MYL4: variants seen among roughly 807,000 people sequenced by gnomAD.
MYL4 encodes atrial myosin light chain 1.
MYL4 carries 16 observed loss-of-function variants against 21.6 expected under a neutral mutation model. The ratio of observed to expected loss-of-function variants is 0.74; its 90% CI spans 0.50 to 1.12. The LOEUF is 1.12. MYL4 is among the 50% of genes most tolerant of loss of function. MYL4 has a pLI of 0.00. For synonymous variants in MYL4, 82 were observed against 95.7 expected, an observed-to-expected ratio of 0.86 and a Z score of 0.83; for missense variants, 249 against 252.9, an observed-to-expected ratio of 0.98 and a Z score of 0.11.
At chr17:47,197,393 C>T (rs543293680), upstream of MYL4, among the ~76,000 whole-genome samples, 1 of 152,088 alleles carries the variant, frequency 6.6e-6, no homozygotes, top group Non-Finnish European at 1.5e-5. Context: ...CCACCGCACC[C>T]GGCCAAATCC....
At chr17:47,189,520 A>C in the MYL4 span, 16 of 373,110 alleles carry the variant, frequency 4.3e-5, no homozygotes, top group East Asian at 5.6e-5. Context: ...ACCACGCCCA[A>C]TCGGCCGTCC....
At chr17:47,217,802 C>T (rs898392515) in intron 2 of MYL4, among the ~76,000 whole-genome samples, 3 of 151,892 alleles carry the variant, frequency 2.0e-5, no homozygotes, top group Non-Finnish European at 4.4e-5. Context: ...GGGAGGCCGA[C>T]GTGGGCTGAT....
At chr17:47,224,807 A>C (rs374919522), downstream of MYL4, among the ~76,000 whole-genome samples, 45 of 152,180 alleles carry the variant, frequency 3.0e-4, 1 homozygote, top group South Asian at 8.9e-3. Flanking sequence ...TGGACATCTC[A>C]TTGACTCCAG....
downstream of MYL4, among the ~76,000 whole-genome samples, chr17:47,227,155 C>G (rs116028510): frequency 0.012 from 1,778 of 152,262 alleles, 29 homozygotes; most frequent in African/African-American, 0.041. Flanking sequence ...CGCGCCCAGC[C>G]GGGAAGCATT....
At chr17:47,191,244 C>A in the MYL4 span, among the ~76,000 whole-genome samples, 1 of 152,118 alleles carries the variant, frequency 6.6e-6, no homozygotes, top group South Asian at 2.1e-4. Context: ...AGGGCGTGTG[C>A]CATGGGAGGA....
upstream of MYL4, among the ~76,000 whole-genome samples, chr17:47,205,317 C>G (rs1373891650): frequency 6.6e-6 from 1 of 152,204 alleles, no homozygotes; most frequent in Non-Finnish European, 1.5e-5. Flanking sequence ...CTTGCCTCTT[C>G]ACACTACTAC....
upstream of MYL4, among the ~76,000 whole-genome samples, chr17:47,197,098 T>G (rs1684353413): frequency 1.5e-5 from 1 of 64,578 alleles, no homozygotes; most frequent in Non-Finnish European, 4.0e-5. Flanking sequence ...AAGGGTTTTT[T>G]TTTTTTTTTT....
chr17:47,226,053 A>T (rs893752862), downstream of MYL4, among the ~76,000 whole-genome samples: 1 of 151,986 alleles, frequency 6.6e-6, no homozygotes, highest in Admixed American at 6.6e-5. Flanking sequence ...TTTCTTCAGC[A>T]AGTATTTATT....
chr17:47,211,629 A>G (rs2064776351), intron 1 of MYL4, among the ~76,000 whole-genome samples: 1 of 152,090 alleles, frequency 6.6e-6, no homozygotes, highest in African/African-American at 2.4e-5. Context: ...ACCACCCCCT[A>G]CTTTTGGCAG....
intron 2 of MYL4, among the ~76,000 whole-genome samples, chr17:47,218,617 C>G (rs1221160460): frequency 6.6e-6 from 1 of 152,100 alleles, no homozygotes; most frequent in East Asian, 1.9e-4. Context: ...GAAACCCTGT[C>G]TCTGCTAAAA....
At chr17:47,192,099 A>G in the MYL4 span, among the ~76,000 whole-genome samples, 2 of 152,304 alleles carry the variant, frequency 1.3e-5, no homozygotes, top group South Asian at 4.1e-4. Context: ...TCACGCCTGT[A>G]ATCCCAACAC....
rs1422157696 is a variant in MYL4 at position 47,222,386 on chromosome 17, A to T, written c.494A>T (p.Lys165Met). The change falls in exon 5 of 7, where the codon AAG (lysine) becomes ATG (methionine). Residue 165 changes from lysine (K) to methionine (M), a missense_variant. Transcript: ENST00000393450. ...LRHVLATLGE[K>M]MTEAEVEQLL... ...CCTCCCAAACCCACCGCAGGAGAGA[A>T]GATGACTGAGGCTGAAGTGGAGCAG... 1 of 1,614,216 alleles carries T rather than the reference A, an allele frequency of 6.2e-7. No individual in the cohort carries two copies. Among genetic ancestry groups the T allele is most frequent in the South Asian group, 1.1e-5 (1 of 91,084 alleles).
At position 47,221,784 on chromosome 17, in the gene MYL4, T is replaced by TGCG; in HGVS notation, c.417_419dup (p.Arg140dup). 1 of 1,614,100 alleles carries TGCG rather than the reference T, an allele frequency of 6.2e-7. No homozygotes were observed. Among genetic ancestry groups the TGCG allele is most frequent in the Middle Eastern group, 1.6e-4 (1 of 6,062 alleles). ...ACCTATGAGGACTTCGTGGAGGGCC[T>TGCG]GCGTGTCTTTGACAAGGAGAGCAAT... is the stretch of plus-strand genomic sequence containing the variant. On this transcript the variant is annotated inframe_insertion, in exon 4 of 7. Transcript: ENST00000393450.
intron 2 of MYL4, among the ~76,000 whole-genome samples, chr17:47,217,748 T>C (rs1644733164): frequency 6.6e-6 from 1 of 152,112 alleles, no homozygotes; most frequent in African/African-American, 2.4e-5. Context: ...AAGAAACCTA[T>C]GATAGCTGGG....
intron 2 of MYL4, among the ~76,000 whole-genome samples, chr17:47,215,725 T>A (rs569417822): frequency 4.6e-5 from 7 of 152,348 alleles, no homozygotes; most frequent in African/African-American, 1.7e-4. Flanking sequence ...TTGGAGATAG[T>A]TTTCAAATCC....
chr17:47,213,878 G>A, intron 2 of MYL4, 52 bp downstream of exon 2: 3 of 1,577,334 alleles, frequency 1.9e-6, no homozygotes, highest in Non-Finnish European at 2.6e-6. Flanking sequence ...TCCTGGAGGA[G>A]GAGGAGGAGG....
chr17:47,209,780 G>A (rs1315856086), intron 1 of MYL4: 4 of 657,000 alleles, frequency 6.1e-6, no homozygotes, highest in Non-Finnish European at 1.0e-5. Flanking sequence ...TGCTTTGAGG[G>A]AGCCCTGTCC....
At chr17:47,220,543 A>G (rs766659224) in intron 3 of MYL4, among the ~76,000 whole-genome samples, 33 of 152,234 alleles carry the variant, frequency 2.2e-4, no homozygotes, top group Non-Finnish European at 2.5e-4. Flanking sequence ...CAAGATTCTT[A>G]GCTCTACGTG....
chr17:47,206,498 T>A (rs1472025193), upstream of MYL4, among the ~76,000 whole-genome samples: 1 of 152,096 alleles, frequency 6.6e-6, no homozygotes, highest in Non-Finnish European at 1.5e-5. Flanking sequence ...AGTGATTATT[T>A]AAAAAAATTT....
Sources: allele counts gnomAD v4.1 joint callset (sites outside exome capture counted in the v4.1 genomes callset), GRCh38; gene constraint gnomAD v4.1.1; transcripts MANE v1.5; gene names NCBI Gene and HGNC (gene_info 2026-07-23, HGNC 2026-07-21).